The following NKAIN2 variants were observed in gnomAD, a reference collection of about 807,000 sequenced individuals.
NKAIN2 encodes sodium/potassium-transporting ATPase subunit beta-1-interacting protein 2.
NKAIN2 carries 14 observed loss-of-function variants against 32.6 expected under a neutral mutation model. The observed-to-expected ratio is 0.43, with a 90% CI of 0.28 to 0.67. The LOEUF is 0.67. NKAIN2 is among the 30% of genes least tolerant of loss of function. The pLI, the probability that NKAIN2 is intolerant of heterozygous loss-of-function variation, is 0.17. For synonymous variants in NKAIN2, 80 were observed against 87.2 expected, an observed-to-expected ratio of 0.92 and a Z score of 0.46; for missense variants, 198 against 258.3, an observed-to-expected ratio of 0.77 and a Z score of 1.60.
chr6:124,481,880 A>C (rs1777466101), intron 3 of NKAIN2, among the ~76,000 whole-genome samples: 2 of 152,130 alleles, frequency 1.3e-5, no homozygotes, highest in African/African-American at 4.8e-5. Context: ...AGGGGGAATA[A>C]AAAAATCATA....
chr6:124,629,621 T>C (rs78003937), intron 3 of NKAIN2, among the ~76,000 whole-genome samples: 3,408 of 152,264 alleles, frequency 0.022, 127 homozygotes, highest in African/African-American at 0.078. Context: ...TACAAGTTTT[T>C]TATTCAATTC....
intron 1 of NKAIN2, among the ~76,000 whole-genome samples, chr6:124,007,654 G>T (rs1370812360): frequency 6.6e-6 from 1 of 152,086 alleles, no homozygotes. Flanking sequence ...GTACAGTGGG[G>T]TGCTAGACCT....
At chr6:124,190,250 T>C (rs571898664) in intron 1 of NKAIN2, among the ~76,000 whole-genome samples, 3 of 152,358 alleles carry the variant, frequency 2.0e-5, no homozygotes, top group South Asian at 4.1e-4. Context: ...AATTATTAGA[T>C]ATTACAGGGT....
At chr6:124,319,704 T>C (rs1353425908) in intron 2 of NKAIN2, among the ~76,000 whole-genome samples, 6 of 152,138 alleles carry the variant, frequency 3.9e-5, no homozygotes, top group Non-Finnish European at 8.8e-5. Context: ...TCATTTTAAA[T>C]TTCCTGCCCT....
chr6:124,390,152 A>T (rs1773080786), intron 3 of NKAIN2, among the ~76,000 whole-genome samples: 1 of 152,084 alleles, frequency 6.6e-6, no homozygotes, highest in African/African-American at 2.4e-5. Flanking sequence ...CAAAGCTCTC[A>T]AGCTCTCCTC....
chr6:124,278,449 T>C (rs1489717182), intron 1 of NKAIN2, among the ~76,000 whole-genome samples: 1 of 151,838 alleles, frequency 6.6e-6, no homozygotes, highest in East Asian at 1.9e-4. Context: ...TTGTCCTTAA[T>C]AGCACTTATC....
chr6:124,219,174 C>G (rs1022660777), intron 1 of NKAIN2, among the ~76,000 whole-genome samples: 4 of 152,054 alleles, frequency 2.6e-5, no homozygotes, highest in African/African-American at 9.7e-5. Context: ...GAAAACTGAT[C>G]CTTTTCTAGA....
Position 124,213,737 on chromosome 6 carries a change from T to TA in NKAIN2, c.55-69264dup, listed in dbSNP as rs571162103. Among the ~76,000 whole-genome samples, 7 of 152,290 alleles carry TA rather than the reference T, an allele frequency of 4.6e-5. 1 individual carries two copies. In the South Asian group the frequency reaches 1.4e-3, roughly 32 times the overall value. ...AATAAAATGTACAATATCTTTATTGTAAAATCCATATAGTGATTTAATTCT... is the reference window on the plus strand; with the variant it reads ...AATAAAATGTACAATATCTTTATTGTAAAAATCCATATAGTGATTTAATTCT... On this transcript the variant is annotated intron_variant, in intron 1 of 6. Coordinates refer to ENST00000368417, the MANE Select transcript of NKAIN2 (RefSeq NM_001040214.3).
intron 3 of NKAIN2, among the ~76,000 whole-genome samples, chr6:124,391,877 A>G (rs1773158839): frequency 6.6e-6 from 1 of 152,068 alleles, no homozygotes; most frequent in African/African-American, 2.4e-5. Flanking sequence ...TGTGGACTTC[A>G]TGGATTCTAT....
chr6:124,277,390 C>G (rs1205240953), intron 1 of NKAIN2, among the ~76,000 whole-genome samples: 2 of 151,312 alleles, frequency 1.3e-5, no homozygotes, highest in East Asian at 3.9e-4. Flanking sequence ...CTTTTAATTT[C>G]CATCTTGGAT....
At chr6:124,314,330 T>C (rs897300180) in intron 2 of NKAIN2, among the ~76,000 whole-genome samples, 2 of 152,124 alleles carry the variant, frequency 1.3e-5, no homozygotes, top group African/African-American at 2.4e-5. Flanking sequence ...TTTAGCACTT[T>C]GTGTTTGGTC....
chr6:124,267,920 T>A (rs1307929878), intron 1 of NKAIN2, among the ~76,000 whole-genome samples: 1 of 152,206 alleles, frequency 6.6e-6, no homozygotes. Flanking sequence ...TGTAAAATAA[T>A]TTGGGAAGAG....
intron 2 of NKAIN2, among the ~76,000 whole-genome samples, chr6:124,314,818 C>T (rs1796874740): frequency 6.6e-6 from 1 of 152,174 alleles, no homozygotes; most frequent in Non-Finnish European, 1.5e-5. Context: ...GAAAGCACCA[C>T]TGCAATATCC....
chr6:124,289,220 T>C (rs996224288), intron 2 of NKAIN2, among the ~76,000 whole-genome samples: 2 of 152,222 alleles, frequency 1.3e-5, no homozygotes, highest in African/African-American at 4.8e-5. Context: ...TGCTGAACAC[T>C]GAACTTCTGT....
chr6:124,229,447 A>T (rs1379452413), intron 1 of NKAIN2, among the ~76,000 whole-genome samples: 1 of 152,082 alleles, frequency 6.6e-6, no homozygotes, highest in Non-Finnish European at 1.5e-5. Context: ...CTTTCTGGTA[A>T]TATATTATGT....
intron 3 of NKAIN2, among the ~76,000 whole-genome samples, chr6:124,468,958 C>T (rs577022270): frequency 1.7e-3 from 258 of 152,250 alleles, no homozygotes; most frequent in African/African-American, 5.8e-3. Context: ...TATATTAAAG[C>T]TCAAGATAAA....
In NKAIN2 at chr6:123,856,001, A is replaced by G. The variant is rs1254015464; in HGVS notation, c.54+51747A>G. ...CTCCCACAATATCTTTTAAGATTTT[A>G]TAGTTTCAAATTATCCATAGTTTAA... On this transcript the variant is annotated intron_variant, in intron 1 of 6. Coordinates refer to ENST00000368417, the MANE Select transcript of NKAIN2 (RefSeq NM_001040214.3). Among the ~76,000 whole-genome samples, 6 of 152,218 alleles carry G rather than the reference A, an allele frequency of 3.9e-5. No individual in the cohort carries two copies. The East Asian group carries it at 9.6e-4, about 24-fold the overall frequency.
rs1399013427 is a variant in NKAIN2, at chr6:124,483,117, C to CAA, written c.273+127780_273+127781dup. 2.8e-5 allele frequency among the ~76,000 whole-genome samples: 4 copies of CAA among 141,226 alleles called. No individual in the cohort carries two copies. In the East Asian group the frequency reaches 6.1e-4, roughly 22 times the overall value. 92.6% of individuals were successfully genotyped at this position (141,226 alleles called of 152,430 possible). The stretch of plus-strand genomic sequence containing the variant: ...AGCCTGGACGACAGAGACTGTGTTT[C>CAA]AAAAAAAAAAAGGAAATGTGGTAAG... On this transcript the variant is annotated intron_variant, in intron 3 of 6. Coordinates refer to ENST00000368417, the MANE Select transcript of NKAIN2 (RefSeq NM_001040214.3).
intron 1 of NKAIN2, among the ~76,000 whole-genome samples, chr6:124,121,171 T>C (rs943806162): frequency 6.6e-6 from 1 of 152,118 alleles, no homozygotes; most frequent in African/African-American, 2.4e-5. Context: ...CTCCTCACCT[T>C]GCCCTGCCAT....
Sources: allele counts gnomAD v4.1 joint callset (sites outside exome capture counted in the v4.1 genomes callset), GRCh38; gene constraint gnomAD v4.1.1; transcripts MANE v1.5; gene names NCBI Gene and HGNC (gene_info 2026-07-23, HGNC 2026-07-21).